Variants in RNF38 observed in about 807,000 individuals in gnomAD.
RNF38 encodes E3 ubiquitin-protein ligase RNF38.
Under a neutral mutation model 67.2 loss-of-function variants are expected in RNF38, and 15 were observed. That is an observed-to-expected ratio of 0.22 (90% confidence interval 0.15 to 0.34). The LOEUF is 0.34. RNF38 is among the 10% of genes least tolerant of loss of function. The pLI is 1.00. For missense variants in RNF38, 524 were observed against 639.9 expected (o/e 0.82, Z 1.95); for synonymous variants, 220 against 218.8 (o/e 1.01, Z -0.05).
At chr9:36,463,648 C>T (rs917108051) in intron 1 of RNF38, among the ~76,000 whole-genome samples, 6 of 152,106 alleles carry the variant, frequency 3.9e-5, no homozygotes, top group Non-Finnish European at 8.8e-5. Flanking sequence ...ACTGATGAAT[C>T]ACACAAATAC....
chr9:36,341,280 C>T (rs1343383767), intron 11 of RNF38, among the ~76,000 whole-genome samples: 1 of 152,124 alleles, frequency 6.6e-6, no homozygotes, highest in Non-Finnish European at 1.5e-5. Flanking sequence ...TAATGCTTTC[C>T]TTTTAAAATA....
intron 9 of RNF38, among the ~76,000 whole-genome samples, chr9:36,345,238 AAAGT>A (rs1833139363): frequency 6.6e-6 from 1 of 152,216 alleles, no homozygotes; most frequent in Non-Finnish European, 1.5e-5. Context: ...CAAAAGGAGA[AAAGT>A]AACATTAATG....
chr9:36,434,403 A>G (rs1839013483), intron 1 of RNF38, among the ~76,000 whole-genome samples: 1 of 151,102 alleles, frequency 6.6e-6, no homozygotes, highest in African/African-American at 2.4e-5. Context: ...TTATTTTTTG[A>G]GATGGAGTTT....
intron 2 of RNF38, 53 bp downstream of exon 2, chr9:36,390,414 C>A: frequency 6.7e-7 from 1 of 1,499,982 alleles, no homozygotes; most frequent in Non-Finnish European, 9.0e-7. Context: ...CCTAGAAACA[C>A]TGTAGAATGT....
In RNF38 at chr9:36,381,141, G is replaced by A. The variant is rs114731207; in HGVS notation, c.163-5014C>T. Among the ~76,000 whole-genome samples the A allele has an allele frequency of 6.9e-3, 1,054 of 152,236 alleles. 14 individuals carry two copies. Among genetic ancestry groups the A allele is most frequent in the African/African-American group, 0.024 (985 of 41,536 alleles). On this transcript the variant is annotated intron_variant, in intron 2 of 11. Coordinates refer to ENST00000259605, the MANE Select transcript of RNF38 (RefSeq NM_022781.5). ...CCCTATTTGGGGTTCAGATTTTCACGATCCATGCTGTCTGTGAACCTCTAA... is the reference window on the plus strand; with the variant it reads ...CCCTATTTGGGGTTCAGATTTTCACAATCCATGCTGTCTGTGAACCTCTAA...
intron 1 of RNF38, among the ~76,000 whole-genome samples, chr9:36,431,342 G>A (rs990302565): frequency 2.0e-5 from 3 of 152,154 alleles, no homozygotes; most frequent in East Asian, 3.8e-4. Flanking sequence ...TGTATAGCAC[G>A]TTACTGTACT....
chr9:36,487,423 T>G (rs1323616698), exon 1 of RNF38: 7 of 975,494 alleles, frequency 7.2e-6, no homozygotes, highest in East Asian at 1.2e-4. Flanking sequence ...GCGGCGGCGG[T>G]GGGGGGCGCG....
chr9:36,342,215 G>A (rs1351003588), intron 11 of RNF38, 110 bp downstream of exon 11: 2 of 758,316 alleles, frequency 2.6e-6, no homozygotes, highest in Non-Finnish European at 4.6e-6. Context: ...TGAAAGCTGT[G>A]TTTCCATTTT....
intron 1 of RNF38, among the ~76,000 whole-genome samples, chr9:36,445,644 G>A (rs1839282815): frequency 6.6e-6 from 1 of 152,198 alleles, no homozygotes; most frequent in South Asian, 2.1e-4. Flanking sequence ...ACTGGAGGAT[G>A]GTGAAGGGTA....
At chr9:36,466,400 G>C (rs1430134603) in intron 1 of RNF38, among the ~76,000 whole-genome samples, 1 of 152,170 alleles carries the variant, frequency 6.6e-6, no homozygotes. Context: ...AATTGTATAT[G>C]TAAATTTATA....
rs779864143 is a variant in RNF38, at chr9:36,399,964, AAAG to A, written c.12+130_12+132del. On this transcript the variant is annotated intron_variant, in intron 1 of 11. Coordinates refer to ENST00000259605, the MANE Select transcript of RNF38 (RefSeq NM_022781.5). ...TACGTTAAGTCCACCGCTTAAGAAA[AAAG>A]AAATGGCAATTCATATAATGGTGGC... The A allele has an allele frequency of 3.2e-4, 257 of 799,118 alleles. 1 individual carries two copies. The highest frequency in any genetic ancestry group is 4.4e-4 in the Non-Finnish European group (223 of 506,382). 49.5% of individuals were successfully genotyped at this position (799,118 alleles called of 1,614,324 possible).
intron 1 of RNF38, among the ~76,000 whole-genome samples, chr9:36,482,731 C>G (rs183650245): frequency 3.3e-4 from 50 of 152,318 alleles, no homozygotes; most frequent in Admixed American, 2.7e-3. Flanking sequence ...TTAAGCTGTG[C>G]TCTTTGGTTC....
intron 1 of RNF38, among the ~76,000 whole-genome samples, chr9:36,446,002 T>A (rs1180857405): frequency 6.6e-6 from 1 of 152,176 alleles, no homozygotes; most frequent in African/African-American, 2.4e-5. Context: ...ATCCAGTCCT[T>A]GTCTTCCATC....
At chr9:36,480,006 TCTCA>T (rs1226241532) in intron 1 of RNF38, among the ~76,000 whole-genome samples, 2 of 152,036 alleles carry the variant, frequency 1.3e-5, no homozygotes, top group Non-Finnish European at 2.9e-5. Context: ...TGAGATGGAG[TCTCA>T]CTCTGTCGCC....
chr9:36,476,156 G>A (rs550631221), intron 1 of RNF38, among the ~76,000 whole-genome samples: 4 of 151,976 alleles, frequency 2.6e-5, no homozygotes, highest in East Asian at 1.9e-4. Context: ...ACTGAGTCTC[G>A]CTCAGCCACC....
intron 1 of RNF38, among the ~76,000 whole-genome samples, chr9:36,450,701 G>A (rs1239311136): frequency 6.6e-6 from 1 of 152,010 alleles, no homozygotes; most frequent in Admixed American, 6.6e-5. Context: ...AATCACCTGA[G>A]GTCAGGAGTT....
At chr9:36,356,936 C>A (rs990052796) in intron 5 of RNF38, among the ~76,000 whole-genome samples, 1 of 152,188 alleles carries the variant, frequency 6.6e-6, no homozygotes, top group East Asian at 1.9e-4. Context: ...ATTTTAGTTC[C>A]CAAATTTGGT....
intron 3 of RNF38, among the ~76,000 whole-genome samples, chr9:36,374,197 T>G (rs1418573787): frequency 6.6e-6 from 1 of 152,232 alleles, no homozygotes; most frequent in Non-Finnish European, 1.5e-5. Context: ...GTAAAAGTCT[T>G]AATGTCTCAA....
chr9:36,417,003 T>C (rs541458908), intron 2 of RNF38, among the ~76,000 whole-genome samples: 1 of 152,228 alleles, frequency 6.6e-6, no homozygotes, highest in East Asian at 1.9e-4. Context: ...CCACCCACCT[T>C]GGCCTCCCAA....
Sources: gnomAD v4.1 joint callset for allele counts (sites outside exome capture counted in the v4.1 genomes callset) on GRCh38, gnomAD v4.1.1 for gene constraint, MANE v1.5 for transcripts, NCBI Gene and HGNC (gene_info 2026-07-23, HGNC 2026-07-21) for gene names.